The following PTPRG variants were observed in gnomAD, a reference collection of about 807,000 sequenced individuals.
PTPRG encodes protein tyrosine phosphatase receptor type G, also known as receptor-type tyrosine-protein phosphatase gamma.
A neutral mutation model predicts 165.3 loss-of-function variants in PTPRG; 102 were observed. The ratio of observed to expected loss-of-function variants is 0.62; its 90% CI spans 0.53 to 0.73. PTPRG has a LOEUF of 0.73. Ranked by LOEUF, PTPRG falls within the 30% of genes least tolerant of loss-of-function variation. The pLI is 0.00. For missense variants in PTPRG, 1,866 were observed against 1,861.4 expected (o/e 1.00, Z -0.05); for synonymous variants, 675 against 669.5 (o/e 1.01, Z -0.13).
chr3:61,641,237 G>A (rs558413711), intron 1 of PTPRG, among the ~76,000 whole-genome samples: 9 of 151,900 alleles, frequency 5.9e-5, no homozygotes, highest in African/African-American at 2.2e-4. Context: ...CTCCCTCCCT[G>A]AAATATATAT....
chr3:61,596,314 T>C (rs1029489386), intron 1 of PTPRG, among the ~76,000 whole-genome samples: 2 of 152,238 alleles, frequency 1.3e-5, no homozygotes, highest in Non-Finnish European at 2.9e-5. Flanking sequence ...TAGTTTCACA[T>C]TACTTTTACT....
At chr3:61,983,555 A>C (rs2040689276) in intron 2 of PTPRG, among the ~76,000 whole-genome samples, 1 of 152,180 alleles carries the variant, frequency 6.6e-6, no homozygotes, top group Admixed American at 6.6e-5. Context: ...ATTAGTGAAT[A>C]GGAACCATTA....
intron 1 of PTPRG, among the ~76,000 whole-genome samples, chr3:61,683,419 C>T (rs1703516947): frequency 6.7e-6 from 1 of 148,658 alleles, no homozygotes; most frequent in Non-Finnish European, 1.5e-5. Flanking sequence ...ATTTTCGATT[C>T]TAAGTCAAGG....
At chr3:61,908,318 C>G (rs1336510305) in intron 2 of PTPRG, among the ~76,000 whole-genome samples, 2 of 139,358 alleles carry the variant, frequency 1.4e-5, no homozygotes, top group Non-Finnish European at 3.0e-5. Flanking sequence ...CCCAGCTACT[C>G]GGGAGGCTGA....
At chr3:61,847,410 A>T (rs959070013) in intron 2 of PTPRG, among the ~76,000 whole-genome samples, 9 of 152,138 alleles carry the variant, frequency 5.9e-5, no homozygotes, top group African/African-American at 2.2e-4. Flanking sequence ...TGACACCTTG[A>T]TCTTGGACTT....
In PTPRG at chr3:62,219,400, T is replaced by G. The variant is rs1700595653; in HGVS notation, c.2288+417T>G. 1.3e-5 allele frequency among the ~76,000 whole-genome samples: 2 copies of G among 152,268 alleles called. No homozygotes were observed. The highest frequency in any genetic ancestry group is 2.4e-5 in the African/African-American group (1 of 41,476). On this transcript the variant is annotated intron_variant, in intron 13 of 29. Coordinates refer to ENST00000474889, the MANE Select transcript of PTPRG (RefSeq NM_002841.4). This position sits in a 1 kb window ranked among gnomAD's most constrained non-coding sequence, Gnocchi z 4.5. ...AGTCACATAATAACTCCTCTTTACC[T>G]TAGAATTTTTTTTCATAGTCTTTCA...
chr3:61,805,018 T>C (rs529210238), intron 2 of PTPRG, among the ~76,000 whole-genome samples: 35 of 152,324 alleles, frequency 2.3e-4, no homozygotes, highest in Non-Finnish European at 4.7e-4. Context: ...GGCTCCCAGC[T>C]TCACTGGTGA....
intron 2 of PTPRG, among the ~76,000 whole-genome samples, chr3:61,821,209 GC>G (rs765078176): frequency 6.6e-6 from 1 of 150,538 alleles, no homozygotes; most frequent in Non-Finnish European, 1.5e-5. Context: ...TGGCTCTGTT[GC>G]CCAGGCTGGA....
intron 12 of PTPRG, among the ~76,000 whole-genome samples, chr3:62,215,737 T>C (rs1326145616): frequency 6.6e-6 from 1 of 152,070 alleles, no homozygotes; most frequent in Admixed American, 6.6e-5. Context: ...TCTGAGAATC[T>C]AATGAAAACT....
At position 62,179,999 on chromosome 3, in the gene PTPRG, C is replaced by T. The variant is rs567054535; in HGVS notation, c.1034-11470C>T. On this transcript the variant is annotated intron_variant, in intron 8 of 29. Transcript: ENST00000474889. ...GCAGAGTTAACAGGTAAATGCCATGCGTGAGCCAGGACACTACTTTTAAGC... is the reference window on the plus strand; with the variant it reads ...GCAGAGTTAACAGGTAAATGCCATGTGTGAGCCAGGACACTACTTTTAAGC... 3.3e-5 allele frequency among the ~76,000 whole-genome samples: 5 copies of T among 152,316 alleles called. No homozygotes were observed. In the South Asian group the frequency reaches 8.3e-4, roughly 25 times the overall value.
At chr3:61,636,582 A>G (rs1264429143) in intron 1 of PTPRG, among the ~76,000 whole-genome samples, 1 of 152,226 alleles carries the variant, frequency 6.6e-6, no homozygotes, top group African/African-American at 2.4e-5. Flanking sequence ...TTGGCTTCCC[A>G]AAGTGCTGGG....
chr3:61,981,877 G>A (rs1474944125), intron 2 of PTPRG, among the ~76,000 whole-genome samples: 2 of 152,144 alleles, frequency 1.3e-5, no homozygotes, highest in Non-Finnish European at 2.9e-5. Flanking sequence ...GAGCAAATAC[G>A]TGACATGACT....
intron 3 of PTPRG, among the ~76,000 whole-genome samples, chr3:61,998,077 T>A (rs1258227645): frequency 6.6e-6 from 1 of 152,252 alleles, no homozygotes; most frequent in Non-Finnish European, 1.5e-5. Flanking sequence ...TACTCAGATT[T>A]TGGTGTGAAC....
rs190450757 is a variant in PTPRG, at chr3:61,671,877, C to T, written c.86-77001C>T. On this transcript the variant is annotated intron_variant, in intron 1 of 29. Transcript: ENST00000474889. ...GGCGCCCCTCACCTCCCGGACTGGG[C>T]GGCTGGATGGGCGGGGGGGGCTGAT... Among the ~76,000 whole-genome samples, 409 of 144,170 alleles carry T rather than the reference C, an allele frequency of 2.8e-3. 11 individuals carry two copies. The East Asian group carries it at 0.069, about 24-fold the overall frequency. 94.6% of individuals were successfully genotyped at this position (144,170 alleles called of 152,430 possible).
chr3:61,789,128 C>G (rs1236659187), intron 2 of PTPRG, among the ~76,000 whole-genome samples: 1 of 151,958 alleles, frequency 6.6e-6, no homozygotes, highest in East Asian at 1.9e-4. Context: ...TTTGAAGGCT[C>G]TCACTCTGTC....
intron 3 of PTPRG, among the ~76,000 whole-genome samples, chr3:61,993,126 G>A (rs1216846118): frequency 6.6e-6 from 1 of 151,628 alleles, no homozygotes; most frequent in Non-Finnish European, 1.5e-5. Context: ...TTTCCACATT[G>A]AATAATATTG....
chr3:61,565,836 C>T (rs1028997509), intron 1 of PTPRG, among the ~76,000 whole-genome samples: 8 of 151,370 alleles, frequency 5.3e-5, no homozygotes, highest in South Asian at 2.1e-4. Flanking sequence ...TTTGCATGTG[C>T]GGGCTTTAGT....
chr3:61,904,832 C>T (rs2038599962), intron 2 of PTPRG, among the ~76,000 whole-genome samples: 1 of 151,880 alleles, frequency 6.6e-6, no homozygotes. Flanking sequence ...GTAATTTTAC[C>T]CTGGGTTTTC....
chr3:61,695,290 T>G (rs1276242512), intron 1 of PTPRG, among the ~76,000 whole-genome samples: 1 of 152,186 alleles, frequency 6.6e-6, no homozygotes, highest in Non-Finnish European at 1.5e-5. Flanking sequence ...GGATTACAAG[T>G]GTGAGCCACC....
Sources: allele counts gnomAD v4.1 joint callset (sites outside exome capture counted in the v4.1 genomes callset), GRCh38; gene constraint gnomAD v4.1.1; non-coding constraint Gnocchi (gnomAD v3.1); transcripts MANE v1.5; gene names NCBI Gene and HGNC (gene_info 2026-07-23, HGNC 2026-07-21).